CNTN4: variants seen among roughly 807,000 people sequenced by gnomAD.
CNTN4 encodes contactin-4.
In CNTN4, 77 loss-of-function variants were observed where a neutral mutation model predicts 122.5. The ratio of observed to expected loss-of-function variants is 0.63; its 90% confidence interval spans 0.52 to 0.76. The LOEUF (loss-of-function observed/expected upper bound fraction) is 0.76, where lower values mean the gene tolerates loss of function less well. Among genes scored for constraint, CNTN4 ranks in the 30% least tolerant of loss-of-function variants. The pLI, the probability that CNTN4 is intolerant of heterozygous loss-of-function variation, is 0.00. For missense variants in CNTN4, 1,256 were observed against 1,259.1 expected, an observed-to-expected ratio of 1.00 and a Z score of 0.04; for synonymous variants, 512 against 447.0, an observed-to-expected ratio of 1.15 and a Z score of -1.83.
chr3:2,426,999 T>G (rs1278805291), intron 3 of CNTN4, among the ~76,000 whole-genome samples: 1 of 152,194 alleles, frequency 6.6e-6, no homozygotes. Flanking sequence ...CTATCACTTC[T>G]GTTGATCTTT....
At chr3:2,447,917 T>C (rs1162848919) in intron 3 of CNTN4, among the ~76,000 whole-genome samples, 1 of 152,158 alleles carries the variant, frequency 6.6e-6, no homozygotes, top group Admixed American at 6.6e-5. Context: ...AGGTTTGGCA[T>C]TGGTAAGTGG....
intron 3 of CNTN4, among the ~76,000 whole-genome samples, chr3:2,353,465 C>G (rs138033788): frequency 6.6e-6 from 1 of 152,040 alleles, no homozygotes; most frequent in Non-Finnish European, 1.5e-5. Flanking sequence ...TAAATCTTGC[C>G]GCTGCTCACT....
At chr3:2,964,310 A>G (rs772334250) in intron 13 of CNTN4, among the ~76,000 whole-genome samples, 3 of 152,320 alleles carry the variant, frequency 2.0e-5, no homozygotes, top group East Asian at 1.9e-4. Flanking sequence ...AATTAGACTG[A>G]GATCTAGCAA....
chr3:2,654,589 C>T (rs371772671), intron 4 of CNTN4, among the ~76,000 whole-genome samples: 25 of 152,210 alleles, frequency 1.6e-4, no homozygotes, highest in African/African-American at 5.5e-4. Flanking sequence ...TTTCTCAAAG[C>T]CTAGTCAGGT....
At chr3:2,384,096 A>G (rs2046141078) in intron 3 of CNTN4, among the ~76,000 whole-genome samples, 1 of 152,176 alleles carries the variant, frequency 6.6e-6, no homozygotes, top group Non-Finnish European at 1.5e-5. Flanking sequence ...GGCCTACTTT[A>G]TACGGTTGTT....
intron 3 of CNTN4, among the ~76,000 whole-genome samples, chr3:2,487,693 A>G (rs2076202063): frequency 6.6e-6 from 1 of 152,216 alleles, no homozygotes. Flanking sequence ...GCCTTTGGCT[A>G]GATACTACAT....
intron 23 of CNTN4, among the ~76,000 whole-genome samples, chr3:3,043,952 G>A (rs376850119): frequency 1.3e-5 from 2 of 152,232 alleles, no homozygotes; most frequent in African/African-American, 4.8e-5. Context: ...AAGACCCTGT[G>A]TTTGGGTCTC....
At chr3:2,613,506 GT>G (rs2081585864) in intron 4 of CNTN4, among the ~76,000 whole-genome samples, 1 of 152,036 alleles carries the variant, frequency 6.6e-6, no homozygotes, top group Non-Finnish European at 1.5e-5. Context: ...GTTCATTAAT[GT>G]ACTGTAAAGC....
chr3:2,216,458 A>G (rs1437020463), intron 2 of CNTN4, among the ~76,000 whole-genome samples: 1 of 152,152 alleles, frequency 6.6e-6, no homozygotes, highest in East Asian at 1.9e-4. Context: ...CTGGGTGATG[A>G]AATAATCTCT....
At position 2,758,121 on chromosome 3, in the gene CNTN4, T is replaced by C. The variant is rs1291014678; in HGVS notation, c.358+12424T>C. On this transcript the variant is annotated intron_variant, in intron 6 of 24. Transcript: ENST00000418658. The stretch of plus-strand genomic sequence containing the variant: ...ATTATATCTTAAAGGCCCTTCTTTA[T>C]ATAGTCCTATAAGTAATGTATATGT... Among the ~76,000 whole-genome samples, 4 of 152,340 alleles carry C rather than the reference T, an allele frequency of 2.6e-5. No homozygotes were observed. In the East Asian group the frequency reaches 7.7e-4, roughly 29 times the overall value.
At chr3:2,637,242 TC>T (rs2082700190) in intron 4 of CNTN4, among the ~76,000 whole-genome samples, 1 of 152,156 alleles carries the variant, frequency 6.6e-6, no homozygotes, top group Non-Finnish European at 1.5e-5. Context: ...GTACCTGGCC[TC>T]CATTTTCTTT....
Position 3,053,935 on chromosome 3 carries a change from T to C in CNTN4, c.2940T>C (p.Asp980=). Residue 980 remains aspartate (D), a synonymous_variant, in exon 24 of 25, where the codon GAT becomes GAC. Coordinates refer to ENST00000418658, the MANE Select transcript of CNTN4 (RefSeq NM_175607.3). ...TTAAGCCATTCAGCGACGGAGGAGATGGCAGCAGCAGTGAACAAATTCGAA... is the reference window on the plus strand; with the variant it reads ...TTAAGCCATTCAGCGACGGAGGAGACGGCAGCAGCAGTGAACAAATTCGAA... The part of the protein sequence containing the change: ...IEIKPFSDGG[D]GSSSEQIRIP... 3 of 1,614,206 alleles carry C rather than the reference T, an allele frequency of 1.9e-6. No homozygotes were observed. The highest frequency in any genetic ancestry group is 2.7e-5 in the African/African-American group (2 of 75,062).
chr3:2,879,777 G>A (rs6442762), intron 8 of CNTN4, among the ~76,000 whole-genome samples: 1 of 151,990 alleles, frequency 6.6e-6, no homozygotes, highest in East Asian at 1.9e-4. Context: ...GGTGATAGTT[G>A]CATGACTCAG....
intron 2 of CNTN4, among the ~76,000 whole-genome samples, chr3:2,262,178 G>A (rs938533368): frequency 2.6e-5 from 4 of 152,140 alleles, no homozygotes; most frequent in African/African-American, 9.7e-5. Context: ...AGTAACGAGA[G>A]GAGATATCTA....
intron 3 of CNTN4, among the ~76,000 whole-genome samples, chr3:2,351,414 T>A (rs928667505): frequency 6.6e-6 from 1 of 151,732 alleles, no homozygotes; most frequent in Non-Finnish European, 1.5e-5. Flanking sequence ...TTTTCCACAA[T>A]TTTTTTTTCT....
intron 3 of CNTN4, among the ~76,000 whole-genome samples, chr3:2,564,780 G>T (rs1296563441): frequency 6.6e-6 from 1 of 152,020 alleles, no homozygotes; most frequent in Non-Finnish European, 1.5e-5. Flanking sequence ...GTAGAATAAG[G>T]TTTTCTATAA....
chr3:2,649,219 C>G (rs555963454), intron 4 of CNTN4, among the ~76,000 whole-genome samples: 52 of 152,290 alleles, frequency 3.4e-4, no homozygotes, highest in African/African-American at 1.0e-3. Flanking sequence ...ATAAAGGTGG[C>G]TACCCTAAAA....
chr3:2,398,800 A>C (rs1339884413), intron 3 of CNTN4, among the ~76,000 whole-genome samples: 1 of 152,148 alleles, frequency 6.6e-6, no homozygotes, highest in African/African-American at 2.4e-5. Context: ...ATCCCAAATG[A>C]TGGGGCTCAT....
chr3:2,625,269 C>T (rs1443168279), intron 4 of CNTN4, among the ~76,000 whole-genome samples: 13 of 152,074 alleles, frequency 8.5e-5, no homozygotes, highest in Admixed American at 8.5e-4. Context: ...CTTCTGGGAC[C>T]CTGGACATCT....
Sources: gnomAD v4.1 joint callset for allele counts (sites outside exome capture counted in the v4.1 genomes callset) on GRCh38, gnomAD v4.1.1 for gene constraint, MANE v1.5 for transcripts, NCBI Gene and HGNC (gene_info 2026-07-23, HGNC 2026-07-21) for gene names.